YIPF4: variants seen among roughly 807,000 people sequenced by gnomAD.
YIPF4 encodes Yip1 domain family member 4.
A neutral mutation model predicts 29.4 loss-of-function variants in YIPF4; 18 were observed. The ratio of observed to expected loss-of-function variants is 0.61; its 90% CI spans 0.42 to 0.91. YIPF4 has a LOEUF of 0.91. Among genes scored for constraint, YIPF4 ranks in the 40% least tolerant of loss-of-function variants. The probability of loss-of-function intolerance (pLI) is 0.00; values close to 1 mark genes in which losing one functional copy is unlikely to be tolerated. For synonymous variants in YIPF4, 115 were observed against 104.7 expected (o/e 1.10, Z -0.60); for missense variants, 279 against 282.7 (o/e 0.99, Z 0.09).
intron 5 of YIPF4, among the ~76,000 whole-genome samples, chr2:32,303,490 G>A (rs1346325160): frequency 6.6e-6 from 1 of 152,126 alleles, no homozygotes; most frequent in Non-Finnish European, 1.5e-5. Flanking sequence ...AGGTGGATCA[G>A]TTGAGCCCAG....
chr2:32,300,557 A>G (rs967519430), intron 4 of YIPF4, among the ~76,000 whole-genome samples: 4 of 152,158 alleles, frequency 2.6e-5, no homozygotes, highest in Non-Finnish European at 5.9e-5. Context: ...AATTTAGAGT[A>G]ACATCTGTGA....
In YIPF4 at chr2:32,277,918, C is replaced by G. The variant is rs138302898; in HGVS notation, c.-238C>G. The G allele has an allele frequency of 0.017, 8,622 of 521,234 alleles. 108 individuals carry two copies. The highest frequency in any genetic ancestry group is 0.027 in the Middle Eastern group (55 of 2,024). 32.3% of individuals were successfully genotyped at this position (521,234 alleles called of 1,614,324 possible). A position where few individuals can be genotyped will look rare whatever the true frequency, so the allele number is the denominator to read the frequency against. On this transcript the variant is annotated 5_prime_UTR_variant, in exon 1 of 6. Transcript: ENST00000238831. ...CCAGCGCCGCTGTCACTGTTATGGTCCTGTCAGGGTGCCGGCGTCGTGGTG... is the reference window on the plus strand; with the variant it reads ...CCAGCGCCGCTGTCACTGTTATGGTGCTGTCAGGGTGCCGGCGTCGTGGTG...
At chr2:32,278,924 A>G (rs758400647) in intron 1 of YIPF4, among the ~76,000 whole-genome samples, 4 of 152,012 alleles carry the variant, frequency 2.6e-5, no homozygotes, top group Non-Finnish European at 5.9e-5. Context: ...TTTCCCTCCT[A>G]TTCTCAGTTC....
At chr2:32,293,068 T>A (rs1280028252) in intron 3 of YIPF4, among the ~76,000 whole-genome samples, 1 of 147,296 alleles carries the variant, frequency 6.8e-6, no homozygotes, top group Non-Finnish European at 1.5e-5. Flanking sequence ...ATTTTTTTAT[T>A]TTTATTTATT....
chr2:32,278,759 T>C (rs1473988399), intron 1 of YIPF4, among the ~76,000 whole-genome samples: 2 of 152,200 alleles, frequency 1.3e-5, no homozygotes, highest in Admixed American at 1.3e-4. Context: ...TCGCATTTTG[T>C]AATGTTTCAC....
intron 1 of YIPF4, among the ~76,000 whole-genome samples, chr2:32,284,440 G>T (rs1573525964): frequency 6.6e-6 from 1 of 152,144 alleles, no homozygotes; most frequent in East Asian, 1.9e-4. Context: ...GATCATGGGG[G>T]TGGACTTCCC....
chr2:32,304,109 A>G (rs1038581670), intron 5 of YIPF4, among the ~76,000 whole-genome samples: 2 of 152,182 alleles, frequency 1.3e-5, no homozygotes, highest in Non-Finnish European at 2.9e-5. Flanking sequence ...ACTTCAGATT[A>G]TTCTTTGCCA....
intron 3 of YIPF4, among the ~76,000 whole-genome samples, chr2:32,296,149 G>C (rs1336701041): frequency 6.6e-6 from 1 of 152,160 alleles, no homozygotes; most frequent in Non-Finnish European, 1.5e-5. Context: ...AATTGTATCT[G>C]TTTTGTATAA....
At position 32,315,259 on chromosome 2, in the gene YIPF4, C is replaced by A. The variant is rs1205833790; in HGVS notation, c.*9633C>A. The A allele has an allele frequency of 6.6e-6, 1 of 152,136 alleles. No individual in the cohort carries two copies. The highest frequency in any genetic ancestry group is 1.5e-5 in the Non-Finnish European group (1 of 68,038). 9.4% of individuals were successfully genotyped at this position (152,136 alleles called of 1,614,324 possible). On this transcript the variant is annotated 3_prime_UTR_variant, in exon 6 of 6. Transcript: ENST00000238831. ...GTCCTTATTTAAAATCTCTGGAAGC[C>A]CCACTTAGTGGCTTCCATCCATGTC...
intron 1 of YIPF4, 36 bp downstream of exon 1, chr2:32,278,270 G>T (rs1246252982): frequency 6.5e-7 from 1 of 1,527,992 alleles, no homozygotes; most frequent in Non-Finnish European, 8.8e-7. Flanking sequence ...ATCACCCGGA[G>T]GAAGCCAGGG....
chr2:32,303,551 G>A (rs556719200), intron 5 of YIPF4, among the ~76,000 whole-genome samples: 1 of 152,194 alleles, frequency 6.6e-6, no homozygotes, highest in South Asian at 2.1e-4. Context: ...CGGGCATGGT[G>A]GCATGCACCT....
At chr2:32,280,311 T>G (rs1192895468) in intron 1 of YIPF4, among the ~76,000 whole-genome samples, 2 of 151,398 alleles carry the variant, frequency 1.3e-5, no homozygotes, top group African/African-American at 4.9e-5. Context: ...TGTATTTTTT[T>G]AGTAGAGACG....
chr2:32,289,150 A>G (rs973418704), intron 1 of YIPF4, among the ~76,000 whole-genome samples: 2 of 152,178 alleles, frequency 1.3e-5, no homozygotes, highest in Non-Finnish European at 2.9e-5. Flanking sequence ...AAATCTGGTT[A>G]TATTTTATCT....
Position 32,306,760 on chromosome 2 carries a change from A to T in YIPF4, c.*1134A>T. ...TTAATATTACTTTGTAAAGTAGGTA[A>T]ATCATTTTATTTATGTCCATAAAAT... is the stretch of plus-strand genomic sequence containing the variant. On this transcript the variant is annotated 3_prime_UTR_variant, in exon 6 of 6. Coordinates refer to ENST00000238831, the MANE Select transcript of YIPF4 (RefSeq NM_032312.4). 1 of 242,940 alleles carries T rather than the reference A, an allele frequency of 4.1e-6. No individual in the cohort carries two copies. Among genetic ancestry groups the T allele is most frequent in the Non-Finnish European group, 6.6e-6 (1 of 150,844 alleles). The allele number at this position is 242,940 out of a possible 1,614,324, so 15.0% of individuals were successfully genotyped here. A position where few individuals can be genotyped will look rare whatever the true frequency, so the allele number is the denominator to read the frequency against.
intron 4 of YIPF4, among the ~76,000 whole-genome samples, chr2:32,299,633 G>A (rs748824201): frequency 2.9e-4 from 44 of 151,132 alleles, no homozygotes; most frequent in Middle Eastern, 3.5e-3. Flanking sequence ...TACCAGCCTG[G>A]GCAACGTAGG....
chr2:32,286,305 A>G (rs1323383275), intron 1 of YIPF4, among the ~76,000 whole-genome samples: 1 of 152,226 alleles, frequency 6.6e-6, no homozygotes, highest in Non-Finnish European at 1.5e-5. Context: ...TAAAGGGTAC[A>G]TAAGACCTCT....
intron 3 of YIPF4, among the ~76,000 whole-genome samples, chr2:32,292,841 C>T (rs1391837404): frequency 3.9e-5 from 5 of 128,384 alleles, no homozygotes; most frequent in East Asian, 2.3e-4. Flanking sequence ...TCCAGCCTGG[C>T]GACAGAGTGA....
chr2:32,279,838 A>G (rs1290160106), intron 1 of YIPF4, among the ~76,000 whole-genome samples: 1 of 150,784 alleles, frequency 6.6e-6, no homozygotes, highest in South Asian at 2.1e-4. Flanking sequence ...AAAATGTACA[A>G]TAAAATTTTT....
At chr2:32,278,859 A>G (rs62134042) in intron 1 of YIPF4, among the ~76,000 whole-genome samples, 3,061 of 152,240 alleles carry the variant, frequency 0.02, 58 homozygotes, top group Non-Finnish European at 0.03. Flanking sequence ...ATTTCCTTGT[A>G]TTATTCTGAG....
Sources: gnomAD v4.1 joint callset for allele counts (sites outside exome capture counted in the v4.1 genomes callset) on GRCh38, gnomAD v4.1.1 for gene constraint, MANE v1.5 for transcripts, NCBI Gene and HGNC (gene_info 2026-07-23, HGNC 2026-07-21) for gene names.